The following CACNA2D3 variants were observed in gnomAD, a reference collection of about 807,000 sequenced individuals.
The protein encoded by CACNA2D3 is voltage-dependent calcium channel subunit alpha-2/delta-3.
In CACNA2D3, 60 loss-of-function variants were observed where a neutral mutation model predicts 160.6. The observed-to-expected ratio is 0.37, with a 90% CI of 0.30 to 0.46. CACNA2D3 has a LOEUF of 0.46. Ranked by LOEUF, CACNA2D3 falls within the 20% of genes least tolerant of loss-of-function variation. The probability of loss-of-function intolerance (pLI) is 1.00; values close to 1 mark genes in which losing one functional copy is unlikely to be tolerated. For missense variants in CACNA2D3, 1,205 were observed against 1,365.0 expected, an observed-to-expected ratio of 0.88 and a Z score of 1.85; for synonymous variants, 558 against 492.9, an observed-to-expected ratio of 1.13 and a Z score of -1.75.
chr3:54,818,162 A>G (rs1490400476), intron 14 of CACNA2D3, among the ~76,000 whole-genome samples: 1 of 152,176 alleles, frequency 6.6e-6, no homozygotes, highest in African/African-American at 2.4e-5. Context: ...TAATTCATGA[A>G]TTGGAGGTGC....
intron 14 of CACNA2D3, among the ~76,000 whole-genome samples, chr3:54,823,736 TGTG>T (rs1559596200): frequency 1.3e-5 from 2 of 152,108 alleles, no homozygotes; most frequent in East Asian, 1.9e-4. Flanking sequence ...ATGCTCCTGT[TGTG>T]TGTGTGTGCG....
At chr3:54,944,570 A>G (rs1047074208) in intron 27 of CACNA2D3, among the ~76,000 whole-genome samples, 1 of 152,006 alleles carries the variant, frequency 6.6e-6, no homozygotes, top group African/African-American at 2.4e-5. Flanking sequence ...ACAGGCGCCC[A>G]CCACCCTGCC....
chr3:54,723,666 G>A (rs1488850733), intron 11 of CACNA2D3, among the ~76,000 whole-genome samples: 1 of 152,138 alleles, frequency 6.6e-6, no homozygotes, highest in Non-Finnish European at 1.5e-5. Context: ...CACTTCCAGG[G>A]TGAGGTGATG....
chr3:54,132,162 A>G (rs1477910784), intron 2 of CACNA2D3, among the ~76,000 whole-genome samples: 1 of 152,248 alleles, frequency 6.6e-6, no homozygotes, highest in Non-Finnish European at 1.5e-5. Flanking sequence ...CTTTTGCCCC[A>G]CTGACATAAT....
intron 13 of CACNA2D3, among the ~76,000 whole-genome samples, chr3:54,815,619 T>C (rs912647008): frequency 7.9e-5 from 12 of 152,238 alleles, no homozygotes; most frequent in Non-Finnish European, 1.2e-4. Flanking sequence ...TTGGGGTCTT[T>C]ATTTATGTGT....
chr3:54,926,798 T>C (rs1475366978), intron 27 of CACNA2D3, among the ~76,000 whole-genome samples: 1 of 152,184 alleles, frequency 6.6e-6, no homozygotes, highest in East Asian at 1.9e-4. Context: ...TTCTAAATGA[T>C]GCTGTAAAAC....
At chr3:54,534,235 T>C (rs1269978898) in intron 5 of CACNA2D3, among the ~76,000 whole-genome samples, 4 of 152,218 alleles carry the variant, frequency 2.6e-5, no homozygotes, top group African/African-American at 9.6e-5. Flanking sequence ...GTAATCTTTT[T>C]TGGTGGCAGA....
At chr3:54,955,107 G>C (rs1034120394) in intron 27 of CACNA2D3, among the ~76,000 whole-genome samples, 5 of 152,136 alleles carry the variant, frequency 3.3e-5, no homozygotes, top group Admixed American at 6.5e-5. Flanking sequence ...TCGAACGTAC[G>C]TAACATGGGG....
intron 11 of CACNA2D3, among the ~76,000 whole-genome samples, chr3:54,724,345 A>T (rs188419991): frequency 5.9e-5 from 9 of 152,176 alleles, no homozygotes; most frequent in Non-Finnish European, 8.8e-5. Context: ...CACTGTCAAT[A>T]TTAGACAGAT....
At chr3:54,174,746 C>A (rs531764934) in intron 2 of CACNA2D3, among the ~76,000 whole-genome samples, 1 of 152,138 alleles carries the variant, frequency 6.6e-6, no homozygotes, top group African/African-American at 2.4e-5. Flanking sequence ...AGGATGGTTT[C>A]GATCTCCTGA....
chr3:54,123,471 A>G (rs1699518659), intron 1 of CACNA2D3, 42 bp from the exon 2 acceptor site: 2 of 1,410,568 alleles, frequency 1.4e-6, no homozygotes, highest in African/African-American at 1.4e-5. Flanking sequence ...GTTGACTGTG[A>G]CACGGGTGTT....
intron 34 of CACNA2D3, among the ~76,000 whole-genome samples, chr3:55,015,526 G>C (rs142220993): frequency 6.6e-6 from 1 of 152,052 alleles, no homozygotes; most frequent in African/African-American, 2.4e-5. Context: ...TGCTTGTGCC[G>C]CATCCACTTA....
intron 27 of CACNA2D3, among the ~76,000 whole-genome samples, chr3:54,901,446 C>T (rs1418530050): frequency 6.6e-6 from 1 of 152,156 alleles, no homozygotes; most frequent in African/African-American, 2.4e-5. Context: ...ATAGGTGAAA[C>T]GTGGTCTGAG....
At chr3:54,937,282 A>G (rs79464691) in intron 27 of CACNA2D3, among the ~76,000 whole-genome samples, 1,724 of 152,336 alleles carry the variant, frequency 0.011, 34 homozygotes, top group African/African-American at 0.039. Flanking sequence ...ACACAGCTCA[A>G]TGAATGGACC....
intron 10 of CACNA2D3, among the ~76,000 whole-genome samples, chr3:54,630,518 G>A (rs759778215): frequency 5.3e-5 from 8 of 152,154 alleles, no homozygotes; most frequent in South Asian, 2.1e-4. Context: ...AGGTACTTGC[G>A]CATATCAAAG....
At chr3:55,059,837 C>G (rs1272876048) in intron 35 of CACNA2D3, among the ~76,000 whole-genome samples, 2 of 152,026 alleles carry the variant, frequency 1.3e-5, no homozygotes, top group Non-Finnish European at 2.9e-5. Flanking sequence ...TGGAGTTCAG[C>G]TATCCCACAC....
intron 35 of CACNA2D3, among the ~76,000 whole-genome samples, chr3:55,024,680 T>C (rs1703528331): frequency 6.6e-6 from 1 of 152,142 alleles, no homozygotes; most frequent in African/African-American, 2.4e-5. Flanking sequence ...TTCCGTTGTT[T>C]ATAAATTACC....
rs532033714 is a variant in CACNA2D3 at position 55,063,930 on chromosome 3, A to G, written c.2988-9515A>G. Among the ~76,000 whole-genome samples, 9 of 152,346 alleles carry G rather than the reference A, an allele frequency of 5.9e-5. No homozygotes were observed. The South Asian group carries it at 1.9e-3, about 32-fold the overall frequency. On this transcript the variant is annotated intron_variant, in intron 35 of 37. Coordinates refer to ENST00000474759, the MANE Select transcript of CACNA2D3 (RefSeq NM_018398.3). ...ATTGTGGGCTGCTTGTTTAAAAAGC[A>G]AGAAAAATGTATTCTTAAAGGTACT...
At chr3:54,960,551 T>G (rs1417653667) in intron 27 of CACNA2D3, among the ~76,000 whole-genome samples, 1 of 152,228 alleles carries the variant, frequency 6.6e-6, no homozygotes, top group East Asian at 1.9e-4. Context: ...TTACCAAGAT[T>G]ATAACAAATG....
Sources: allele counts gnomAD v4.1 joint callset (sites outside exome capture counted in the v4.1 genomes callset), GRCh38; gene constraint gnomAD v4.1.1; transcripts MANE v1.5; gene names NCBI Gene and HGNC (gene_info 2026-07-23, HGNC 2026-07-21).